Variants in MBNL2 observed in about 807,000 individuals in gnomAD.
The protein encoded by MBNL2 is muscleblind-like protein 2.
A neutral mutation model predicts 41.9 loss-of-function variants in MBNL2; 17 were observed. The observed-to-expected ratio is 0.41, with a 90% CI of 0.28 to 0.61. MBNL2 has a LOEUF of 0.61. Ranked by LOEUF, MBNL2 falls within the 20% of genes least tolerant of loss-of-function variation. The probability of loss-of-function intolerance (pLI) is 0.35; values close to 1 mark genes in which losing one functional copy is unlikely to be tolerated. For synonymous variants in MBNL2, 195 were observed against 182.9 expected, an observed-to-expected ratio of 1.07 and a Z score of -0.53; for missense variants, 336 against 505.6, an observed-to-expected ratio of 0.66 and a Z score of 3.22.
chr13:97,175,280 C>G, the MBNL2 span, among the ~76,000 whole-genome samples: 6 of 152,176 alleles, frequency 3.9e-5, no homozygotes, highest in African/African-American at 1.4e-4. Flanking sequence ...AAGGCTCTTC[C>G]TACCCACTCC....
At chr13:97,349,631 G>A (rs143687268) in intron 5 of MBNL2, among the ~76,000 whole-genome samples, 190 of 152,310 alleles carry the variant, frequency 1.2e-3, no homozygotes, top group East Asian at 7.3e-3. Context: ...AGGTTCAAGT[G>A]ATTCTTATGC....
chr13:97,344,113 T>C (rs960916519), intron 4 of MBNL2, among the ~76,000 whole-genome samples: 4 of 152,212 alleles, frequency 2.6e-5, no homozygotes, highest in African/African-American at 9.7e-5. Context: ...GCCCGTAAAT[T>C]TAGTTATTAA....
intron 1 of MBNL2, among the ~76,000 whole-genome samples, chr13:97,272,055 A>T (rs183591492): frequency 2.6e-3 from 396 of 152,266 alleles, no homozygotes; most frequent in African/African-American, 9.3e-3. Context: ...GTATAAAAGC[A>T]TTCCTATTTC....
At chr13:97,177,957 T>A in the MBNL2 span, among the ~76,000 whole-genome samples, 1 of 152,200 alleles carries the variant, frequency 6.6e-6, no homozygotes, top group East Asian at 1.9e-4. Flanking sequence ...GTAAGTTGCA[T>A]CCATTGCCAG....
At chr13:97,193,337 C>T in the MBNL2 span, among the ~76,000 whole-genome samples, 5 of 152,284 alleles carry the variant, frequency 3.3e-5, no homozygotes, top group East Asian at 3.9e-4. Context: ...AAGGGCCCTA[C>T]GACAGTTGAG....
At chr13:97,169,836 C>T in the MBNL2 span, among the ~76,000 whole-genome samples, 1 of 152,116 alleles carries the variant, frequency 6.6e-6, no homozygotes, top group Non-Finnish European at 1.5e-5. Flanking sequence ...AGGTTATTTC[C>T]CTACAATGCT....
chr13:97,260,557 G>T (rs910504988), intron 1 of MBNL2, among the ~76,000 whole-genome samples: 1 of 152,246 alleles, frequency 6.6e-6, no homozygotes, highest in African/African-American at 2.4e-5. Flanking sequence ...GCCAAGTGCA[G>T]CTGGTGAGAA....
intron 1 of MBNL2, among the ~76,000 whole-genome samples, chr13:97,235,742 C>T (rs1369528971): frequency 6.6e-6 from 1 of 152,140 alleles, no homozygotes; most frequent in East Asian, 1.9e-4. Flanking sequence ...CTCCTTCCTC[C>T]CTCCCTGGGG....
chr13:97,288,317 A>G (rs773208050), intron 2 of MBNL2, among the ~76,000 whole-genome samples: 7 of 152,212 alleles, frequency 4.6e-5, no homozygotes, highest in Non-Finnish European at 1.0e-4. Flanking sequence ...GAGTTTTGTC[A>G]TAAGAAAGTC....
chr13:97,272,186 GT>G (rs958946521), intron 1 of MBNL2, among the ~76,000 whole-genome samples: 6 of 151,982 alleles, frequency 3.9e-5, no homozygotes, highest in Non-Finnish European at 5.9e-5. Context: ...GTGATGTTGA[GT>G]TTTTTTTCAT....
chr13:97,175,018 T>G, the MBNL2 span, among the ~76,000 whole-genome samples: 1 of 152,064 alleles, frequency 6.6e-6, no homozygotes, highest in Non-Finnish European at 1.5e-5. Flanking sequence ...GTGCCTCAGG[T>G]TTCCTTTAAG....
At chr13:97,227,053 C>CA (rs1201374167) in intron 1 of MBNL2, among the ~76,000 whole-genome samples, 101 of 88,332 alleles carry the variant, frequency 1.1e-3, no homozygotes, top group East Asian at 9.2e-3. Flanking sequence ...AAAAAAAAAA[C>CA]AAAAAAAAAA....
intron 1 of MBNL2, among the ~76,000 whole-genome samples, chr13:97,253,594 A>G (rs2046978778): frequency 6.6e-6 from 1 of 152,120 alleles, no homozygotes; most frequent in South Asian, 2.1e-4. Context: ...TATTCTTATC[A>G]AGGTTTCTCA....
rs201159161 is a variant in MBNL2 at position 97,365,120 on chromosome 13, C to G, written c.1013-16C>G. The G allele has an allele frequency of 5.1e-6, 8 of 1,577,416 alleles. No homozygotes were observed. The highest frequency in any genetic ancestry group is 4.5e-5 in the East Asian group (2 of 44,714). ...CCCTTTATTCACTTTTTCCACCCACCATTGCATGACATCAGGGTCAGTTTT... is the reference window on the plus strand; with the variant it reads ...CCCTTTATTCACTTTTTCCACCCACGATTGCATGACATCAGGGTCAGTTTT... On this transcript the variant is annotated splice_polypyrimidine_tract_variant and intron_variant, in intron 7 of 8. Transcript: ENST00000679496.
chr13:97,308,332 A>C (rs1020787605), intron 2 of MBNL2, among the ~76,000 whole-genome samples: 34 of 152,252 alleles, frequency 2.2e-4, no homozygotes, highest in African/African-American at 8.2e-4. Flanking sequence ...AAGGGTAATT[A>C]ACACATCTCT....
chr13:97,171,857 A>G, the MBNL2 span, among the ~76,000 whole-genome samples: 27 of 152,156 alleles, frequency 1.8e-4, 1 homozygote, highest in African/African-American at 6.3e-4. Context: ...ATGGTAGCGA[A>G]TAAGTCACAT....
At chr13:97,221,155 C>T (rs1039916058), upstream of MBNL2, among the ~76,000 whole-genome samples, 3 of 152,244 alleles carry the variant, frequency 2.0e-5, no homozygotes, top group Admixed American at 1.3e-4. Flanking sequence ...ATTACAGATG[C>T]GCTGAACAGT....
At chr13:97,180,133 G>C in the MBNL2 span, among the ~76,000 whole-genome samples, 3 of 152,182 alleles carry the variant, frequency 2.0e-5, no homozygotes, top group African/African-American at 4.8e-5. Flanking sequence ...TTGAAACAGA[G>C]AGAATTAGGA....
the MBNL2 span, among the ~76,000 whole-genome samples, chr13:97,150,485 G>T: frequency 1.4e-4 from 22 of 152,274 alleles, no homozygotes; most frequent in African/African-American, 5.1e-4. Context: ...ATTTTACAAA[G>T]GCCAATAAGA....
Sources: gnomAD v4.1 joint callset for allele counts (sites outside exome capture counted in the v4.1 genomes callset) on GRCh38, gnomAD v4.1.1 for gene constraint, MANE v1.5 for transcripts, NCBI Gene and HGNC (gene_info 2026-07-23, HGNC 2026-07-21) for gene names.